The following FARS2 variants were observed in gnomAD, a reference collection of about 807,000 sequenced individuals.
FARS2 encodes the protein phenylalanine--tRNA ligase, mitochondrial.
FARS2 carries 40 observed loss-of-function variants against 46.4 expected under a neutral mutation model. The ratio of observed to expected loss-of-function variants is 0.86; its 90% CI spans 0.67 to 1.12. The LOEUF is 1.12. FARS2 is among the 50% of genes most tolerant of loss of function. The pLI is 0.00. For synonymous variants in FARS2, 234 were observed against 214.9 expected, an observed-to-expected ratio of 1.09 and a Z score of -0.78; for missense variants, 513 against 567.9, an observed-to-expected ratio of 0.90 and a Z score of 0.98.
chr6:5,541,660 TC>T (rs1770644949), intron 4 of FARS2, among the ~76,000 whole-genome samples: 1 of 152,004 alleles, frequency 6.6e-6, no homozygotes, highest in Non-Finnish European at 1.5e-5. Flanking sequence ...CAGAAAAGGG[TC>T]CTGATCCACA....
intron 2 of FARS2, among the ~76,000 whole-genome samples, chr6:5,380,921 T>C (rs979178899): frequency 1.3e-5 from 2 of 151,958 alleles, no homozygotes; most frequent in East Asian, 1.9e-4. Context: ...TTAGTTTTTA[T>C]AGAAACTTTA....
chr6:5,435,441 T>C (rs531408544), intron 4 of FARS2, among the ~76,000 whole-genome samples: 2 of 152,382 alleles, frequency 1.3e-5, no homozygotes, highest in Admixed American at 1.3e-4. Context: ...TGTGTTTTTA[T>C]GTGTGGAACA....
intron 2 of FARS2, among the ~76,000 whole-genome samples, chr6:5,380,655 C>G (rs1201136198): frequency 6.6e-6 from 1 of 152,090 alleles, no homozygotes; most frequent in Non-Finnish European, 1.5e-5. Context: ...TCCAGATACC[C>G]CAGTCTACTC....
At chr6:5,686,894 C>G (rs1348040023) in intron 6 of FARS2, among the ~76,000 whole-genome samples, 1 of 152,198 alleles carries the variant, frequency 6.6e-6, no homozygotes, top group African/African-American at 2.4e-5. Flanking sequence ...GATCGCTATT[C>G]TAACTGGTGT....
At chr6:5,662,191 C>A (rs1231862285) in intron 6 of FARS2, among the ~76,000 whole-genome samples, 2 of 152,110 alleles carry the variant, frequency 1.3e-5, no homozygotes, top group African/African-American at 4.8e-5. Flanking sequence ...GGGGTATTTT[C>A]ATTCTTTTTT....
intron 2 of FARS2, among the ~76,000 whole-genome samples, chr6:5,391,331 A>G (rs1203485052): frequency 6.6e-6 from 1 of 152,284 alleles, no homozygotes; most frequent in East Asian, 1.9e-4. Flanking sequence ...TAGTTGAGAA[A>G]TGGGGAAATA....
intron 4 of FARS2, among the ~76,000 whole-genome samples, chr6:5,523,273 G>T (rs1233149468): frequency 6.6e-6 from 1 of 152,196 alleles, no homozygotes; most frequent in East Asian, 1.9e-4. Context: ...ACCTGCACGG[G>T]CATAGAAGCT....
chr6:5,395,467 G>T (rs1308642470), intron 2 of FARS2, among the ~76,000 whole-genome samples: 1 of 151,996 alleles, frequency 6.6e-6, no homozygotes, highest in Non-Finnish European at 1.5e-5. Flanking sequence ...TGGAACCTGG[G>T]GTCTTTCTGG....
intron 1 of FARS2, among the ~76,000 whole-genome samples, chr6:5,263,624 A>T (rs2127801606): frequency 6.6e-6 from 1 of 152,334 alleles, no homozygotes; most frequent in Admixed American, 6.5e-5. Flanking sequence ...TTCTGGGTTG[A>T]AATTTTTCTT....
intron 4 of FARS2, among the ~76,000 whole-genome samples, chr6:5,458,560 A>G (rs1260674995): frequency 6.6e-6 from 1 of 152,164 alleles, no homozygotes; most frequent in Non-Finnish European, 1.5e-5. Flanking sequence ...CTTGTTTCCC[A>G]CATAGAGATC....
intron 1 of FARS2, among the ~76,000 whole-genome samples, chr6:5,262,517 A>G (rs555684654): frequency 7.2e-5 from 11 of 152,162 alleles, no homozygotes; most frequent in Non-Finnish European, 1.5e-4. Flanking sequence ...GACCTCAGGC[A>G]ATCCGCCCGC....
chr6:5,250,300 T>C, the FARS2 span, among the ~76,000 whole-genome samples: 4 of 152,160 alleles, frequency 2.6e-5, no homozygotes, highest in East Asian at 7.7e-4. Context: ...TCTTGTAAAC[T>C]ACAGTCAATA....
intron 5 of FARS2, among the ~76,000 whole-genome samples, chr6:5,592,513 C>T (rs1004777159): frequency 6.6e-6 from 1 of 152,162 alleles, no homozygotes; most frequent in African/African-American, 2.4e-5. Context: ...TTTTAAATCC[C>T]TTGAAAACAG....
intron 1 of FARS2, among the ~76,000 whole-genome samples, chr6:5,355,609 G>A (rs1047346616): frequency 5.3e-5 from 8 of 151,564 alleles, no homozygotes; most frequent in Admixed American, 1.3e-4. Context: ...CGTACGCCTC[G>A]GCCTCCCAAA....
chr6:5,769,148 G>T lies in FARS2; in HGVS notation c.1218-2143G>T, dbSNP rs1395088999. ...TATATGATATATTTTGAGTTAGTTT[G>T]TGTGTGTGTGGTGTGAGGTAGGGAT... is the stretch of plus-strand genomic sequence containing the variant. On this transcript the variant is annotated intron_variant, in intron 6 of 6. Transcript: ENST00000274680. Among the ~76,000 whole-genome samples, 5 of 151,476 alleles carry T rather than the reference G, an allele frequency of 3.3e-5. No individual in the cohort carries two copies. The East Asian group carries it at 9.6e-4, about 29-fold the overall frequency.
At position 5,404,687 on chromosome 6, in the gene FARS2, A is replaced by C. The variant is rs745577747; in HGVS notation, c.758A>C (p.His253Pro). The change falls in exon 3 of 7, where the codon CAT becomes CCT. Residue 253 changes from histidine to proline, a missense_variant. Coordinates refer to ENST00000274680, the MANE Select transcript of FARS2 (RefSeq NM_006567.5). Reference protein sequence around the residue: ...LKQTLTRLMAHLFGDELEIRW... With the variant: ...LKQTLTRLMAPLFGDELEIRW... ...CAAACGCTTACCAGGCTCATGGCAC[A>C]TCTTTTTGGAGATGGTAAGTGCTCA... 9.4e-6 allele frequency: 15 copies of C among 1,595,016 alleles called. No homozygotes were observed. Among genetic ancestry groups the C allele is most frequent in the Non-Finnish European group, 1.2e-5 (14 of 1,170,194 alleles).
chr6:5,463,730 A>G (rs370994701), intron 4 of FARS2, among the ~76,000 whole-genome samples: 3 of 152,026 alleles, frequency 2.0e-5, no homozygotes, highest in Admixed American at 6.6e-5. Flanking sequence ...ATTAAAGCAC[A>G]TAGCACATGT....
At chr6:5,320,302 G>A (rs758196345) in intron 1 of FARS2, among the ~76,000 whole-genome samples, 6 of 152,194 alleles carry the variant, frequency 3.9e-5, no homozygotes, top group Non-Finnish European at 8.8e-5. Flanking sequence ...ATCAACACAA[G>A]CTAGAAGCAG....
At chr6:5,383,520 G>A (rs1015045781) in intron 2 of FARS2, among the ~76,000 whole-genome samples, 3 of 151,984 alleles carry the variant, frequency 2.0e-5, no homozygotes, top group Admixed American at 1.3e-4. Context: ...GTTCTTTAAC[G>A]TTAACACTCT....
Sources: allele counts gnomAD v4.1 joint callset (sites outside exome capture counted in the v4.1 genomes callset), GRCh38; gene constraint gnomAD v4.1.1; transcripts MANE v1.5; gene names NCBI Gene and HGNC (gene_info 2026-07-23, HGNC 2026-07-21).